Variants in LHFPL3 observed in about 807,000 individuals in gnomAD.
LHFPL3 encodes the protein LHFPL tetraspan subfamily member 3 protein.
Under a neutral mutation model 19.3 loss-of-function variants are expected in LHFPL3, and 5 were observed. That is an observed-to-expected ratio of 0.26 (90% CI 0.14 to 0.54). LHFPL3 has a LOEUF of 0.54. Among genes scored for constraint, LHFPL3 ranks in the 20% least tolerant of loss-of-function variants. The probability of loss-of-function intolerance (pLI) is 0.94; values close to 1 mark genes in which losing one functional copy is unlikely to be tolerated. For missense variants in LHFPL3, 249 were observed against 307.4 expected (o/e 0.81, Z 1.42); for synonymous variants, 133 against 126.2 (o/e 1.05, Z -0.36).
chr7:104,465,755 A>G (rs1792769690), intron 1 of LHFPL3, among the ~76,000 whole-genome samples: 1 of 152,226 alleles, frequency 6.6e-6, no homozygotes, highest in Admixed American at 6.5e-5. Context: ...TGGGGATTAT[A>G]GGAACTACAA....
At chr7:104,437,713 G>A (rs942880354) in intron 1 of LHFPL3, among the ~76,000 whole-genome samples, 5 of 152,088 alleles carry the variant, frequency 3.3e-5, no homozygotes, top group East Asian at 1.9e-4. Flanking sequence ...ACTCAGAAAC[G>A]TATAGGGCTG....
rs993930753 is a variant in LHFPL3, at chr7:104,471,152, G to A, written c.445+141928G>A. On this transcript the variant is annotated intron_variant, in intron 1 of 2. Coordinates refer to ENST00000424859, the MANE Select transcript of LHFPL3 (RefSeq NM_199000.3). ...AAAAGACAAACATTTCTTTCTATAC[G>A]GTGTGTGTATTTGTTTTTGGTATAT... 5.3e-5 allele frequency among the ~76,000 whole-genome samples: 8 copies of A among 152,010 alleles called. 1 individual carries two copies. Among genetic ancestry groups the A allele is most frequent in the African/African-American group, 1.9e-4 (8 of 41,444 alleles).
chr7:104,577,324 G>T (rs1357027083), intron 1 of LHFPL3, among the ~76,000 whole-genome samples: 1 of 152,172 alleles, frequency 6.6e-6, no homozygotes. Flanking sequence ...GGGCATGGGA[G>T]AATGTCAGGG....
At chr7:104,538,634 T>A (rs1411245675) in intron 1 of LHFPL3, among the ~76,000 whole-genome samples, 1 of 152,190 alleles carries the variant, frequency 6.6e-6, no homozygotes, top group Non-Finnish European at 1.5e-5. Flanking sequence ...AAATCTTGAC[T>A]CTTTCATTTA....
chr7:104,894,376 G>A lies in LHFPL3; in HGVS notation c.683-11811G>A, dbSNP rs541616440. Among the ~76,000 whole-genome samples the A allele has an allele frequency of 5.3e-5, 8 of 152,276 alleles. No homozygotes were observed. In the East Asian group the frequency reaches 1.5e-3, roughly 29 times the overall value. The stretch of plus-strand genomic sequence containing the variant: ...GGAACTCTTAACATCCAAGTCAAGG[G>A]TCTTGCAGGGAACAAGGATTACAGC... On this transcript the variant is annotated intron_variant, in intron 2 of 2. Coordinates refer to ENST00000424859, the MANE Select transcript of LHFPL3 (RefSeq NM_199000.3).
chr7:104,434,813 A>G (rs1792071382), intron 1 of LHFPL3, among the ~76,000 whole-genome samples: 1 of 152,214 alleles, frequency 6.6e-6, no homozygotes, highest in Admixed American at 6.5e-5. Context: ...CTATTATGAA[A>G]GATCACATTT....
At chr7:104,355,474 T>G (rs1054871744) in intron 1 of LHFPL3, among the ~76,000 whole-genome samples, 3 of 152,196 alleles carry the variant, frequency 2.0e-5, no homozygotes, top group Admixed American at 6.5e-5. Flanking sequence ...CAGAGTAACT[T>G]GAAACTAAAT....
intron 1 of LHFPL3, among the ~76,000 whole-genome samples, chr7:104,508,617 AATATAT>A (rs71155503): frequency 8.1e-6 from 1 of 123,940 alleles, no homozygotes. Flanking sequence ...AATAAAAAAA[AATATAT>A]ATATATACAC....
In LHFPL3 at chr7:104,737,361, A is replaced by C. The variant is rs534591839; in HGVS notation, c.682+450A>C. On this transcript the variant is annotated intron_variant, in intron 2 of 2. Coordinates refer to ENST00000424859, the MANE Select transcript of LHFPL3 (RefSeq NM_199000.3). ...ATATCTTTATTAAACTATTTGTGATAATTGAATTCAGACCCAACTTCTCAG... is the reference window on the plus strand; with the variant it reads ...ATATCTTTATTAAACTATTTGTGATCATTGAATTCAGACCCAACTTCTCAG... 2.0e-4 allele frequency among the ~76,000 whole-genome samples: 30 copies of C among 152,314 alleles called. No individual in the cohort carries two copies. In the Middle Eastern group the frequency reaches 0.017, roughly 86 times the overall value.
intron 1 of LHFPL3, among the ~76,000 whole-genome samples, chr7:104,395,193 A>G (rs1359786947): frequency 6.6e-6 from 1 of 152,322 alleles, no homozygotes; most frequent in East Asian, 1.9e-4. Flanking sequence ...ATAGCTTACT[A>G]ATTAACAAGG....
rs1791216538 is a variant in LHFPL3, at chr7:104,397,560, T to A, written c.445+68336T>A. 2.0e-5 allele frequency among the ~76,000 whole-genome samples: 3 copies of A among 152,080 alleles called. No individual in the cohort carries two copies. In the South Asian group the frequency reaches 6.2e-4, roughly 32 times the overall value. ...CCACTTCATATACTTTACCCCTAGT[T>A]TCCCCCGGGGGACGGCACTTTCCTT... On this transcript the variant is annotated intron_variant, in intron 1 of 2. Coordinates refer to ENST00000424859, the MANE Select transcript of LHFPL3 (RefSeq NM_199000.3).
chr7:104,548,022 C>G (rs958630810), intron 1 of LHFPL3, among the ~76,000 whole-genome samples: 3 of 152,140 alleles, frequency 2.0e-5, no homozygotes, highest in Admixed American at 6.5e-5. Flanking sequence ...CAACATGCAT[C>G]TAGGCAAATA....
intron 1 of LHFPL3, among the ~76,000 whole-genome samples, chr7:104,445,067 G>A (rs1018728823): frequency 2.0e-5 from 3 of 152,080 alleles, no homozygotes; most frequent in Non-Finnish European, 4.4e-5. Context: ...TCCATCTGAA[G>A]TTTTGGGTTG....
intron 2 of LHFPL3, among the ~76,000 whole-genome samples, chr7:104,832,412 A>AT (rs1169497656): frequency 1.3e-5 from 2 of 151,730 alleles, no homozygotes; most frequent in South Asian, 2.1e-4. Context: ...GAGGAGAGAG[A>AT]TTTTTTTCAT....
chr7:104,470,450 A>G (rs1468483397), intron 1 of LHFPL3, among the ~76,000 whole-genome samples: 6 of 152,186 alleles, frequency 3.9e-5, no homozygotes, highest in Admixed American at 6.5e-5. Flanking sequence ...TAATATCTCA[A>G]TTTAAACTAA....
chr7:104,384,339 A>G, intron 1 of LHFPL3, among the ~76,000 whole-genome samples: 1 of 152,326 alleles, frequency 6.6e-6, no homozygotes, highest in African/African-American at 2.4e-5. Flanking sequence ...ATGAAATGCC[A>G]TAGAACCTTT....
At chr7:104,756,840 A>T (rs561491858) in intron 2 of LHFPL3, among the ~76,000 whole-genome samples, 2 of 152,310 alleles carry the variant, frequency 1.3e-5, no homozygotes, top group South Asian at 4.1e-4. Flanking sequence ...TCATTCAGAA[A>T]AGCATTATTT....
At chr7:104,509,746 CAAAATAAAAT>C (rs141331654) in intron 1 of LHFPL3, among the ~76,000 whole-genome samples, 1 of 151,604 alleles carries the variant, frequency 6.6e-6, no homozygotes, top group African/African-American at 2.4e-5. Flanking sequence ...TACAATAAGG[CAAAATAAAAT>C]AAAATAAAAT....
chr7:104,698,665 G>C (rs935106982), intron 1 of LHFPL3, among the ~76,000 whole-genome samples: 2 of 152,084 alleles, frequency 1.3e-5, no homozygotes, highest in East Asian at 3.9e-4. Flanking sequence ...AAGAAACCAA[G>C]GTATCTTTTA....
Sources: allele counts gnomAD v4.1 joint callset (sites outside exome capture counted in the v4.1 genomes callset), GRCh38; gene constraint gnomAD v4.1.1; transcripts MANE v1.5; gene names NCBI Gene and HGNC (gene_info 2026-07-23, HGNC 2026-07-21).